LRMDA: variants seen among roughly 807,000 people sequenced by gnomAD.
The protein encoded by LRMDA is leucine-rich melanocyte differentiation-associated protein.
LRMDA carries 18 observed loss-of-function variants against 29.8 expected under a neutral mutation model. The ratio of observed to expected loss-of-function variants is 0.60; its 90% CI spans 0.42 to 0.90. LRMDA has a LOEUF of 0.90. Ranked by LOEUF, LRMDA falls within the 40% of genes least tolerant of loss-of-function variation. The pLI, the probability that LRMDA is intolerant of heterozygous loss-of-function variation, is 0.00. For synonymous variants in LRMDA, 125 were observed against 109.4 expected (o/e 1.14, Z -0.89); for missense variants, 273 against 273.9 (o/e 1.00, Z 0.02).
intron 3 of LRMDA, among the ~76,000 whole-genome samples, chr10:76,043,817 A>T (rs1240482029): frequency 6.6e-6 from 1 of 152,196 alleles, no homozygotes; most frequent in African/African-American, 2.4e-5. Context: ...TCCTCAACTT[A>T]AAAGCCTTGC....
intron 6 of LRMDA, among the ~76,000 whole-genome samples, chr10:76,492,888 C>G (rs1207128131): frequency 6.6e-6 from 1 of 151,996 alleles, no homozygotes; most frequent in Admixed American, 6.6e-5. Flanking sequence ...AATCATGATT[C>G]AAGGGTCCTG....
chr10:75,792,043 T>G (rs2132253069), intron 2 of LRMDA, among the ~76,000 whole-genome samples: 1 of 151,770 alleles, frequency 6.6e-6, no homozygotes, highest in East Asian at 2.0e-4. Flanking sequence ...GTATTTTTAG[T>G]AGAGATGGGG....
chr10:76,457,126 C>T (rs1842464780), intron 6 of LRMDA, among the ~76,000 whole-genome samples: 1 of 152,164 alleles, frequency 6.6e-6, no homozygotes, highest in African/African-American at 2.4e-5. Flanking sequence ...TACTACAGAT[C>T]AAGAAAGTAC....
Position 76,376,871 on chromosome 10 carries a change from T to G in LRMDA, c.601+52386T>G, listed in dbSNP as rs1841526946. Among the ~76,000 whole-genome samples, 9 of 68,382 alleles carry G rather than the reference T, an allele frequency of 1.3e-4. 1 individual carries two copies. The highest frequency in any genetic ancestry group is 4.0e-4 in the Admixed American group (3 of 7,538). 44.9% of individuals were successfully genotyped at this position (68,382 alleles called of 152,430 possible). A position where few individuals can be genotyped will look rare whatever the true frequency, so the allele number is the denominator to read the frequency against. On this transcript the variant is annotated intron_variant, in intron 6 of 6. Coordinates refer to ENST00000611255, the MANE Select transcript of LRMDA (RefSeq NM_001305581.2). Reference sequence around the variant, plus strand: ...TTGTTGGGCACTTGGAAGTCTTTTTTTTTTTTTTTTTTTTTTTTTTTTTTT... The same window carrying G: ...TTGTTGGGCACTTGGAAGTCTTTTTGTTTTTTTTTTTTTTTTTTTTTTTTT...
At chr10:76,495,539 G>A (rs960157356) in intron 6 of LRMDA, among the ~76,000 whole-genome samples, 1 of 151,636 alleles carries the variant, frequency 6.6e-6, no homozygotes, top group Non-Finnish European at 1.5e-5. Context: ...CAATTTGATA[G>A]GCATTGCATT....
chr10:75,496,343 A>G (rs1315708801), intron 2 of LRMDA, among the ~76,000 whole-genome samples: 1 of 152,206 alleles, frequency 6.6e-6, no homozygotes, highest in Non-Finnish European at 1.5e-5. Flanking sequence ...AGCTAGTGAG[A>G]TATAATTCAA....
intron 6 of LRMDA, among the ~76,000 whole-genome samples, chr10:76,424,470 C>A (rs1842103469): frequency 6.6e-6 from 1 of 152,088 alleles, no homozygotes; most frequent in Admixed American, 6.5e-5. Flanking sequence ...ACCTGGGAGG[C>A]TGAGCTTGCA....
At chr10:75,617,571 T>G (rs1035292835) in intron 2 of LRMDA, among the ~76,000 whole-genome samples, 1 of 152,204 alleles carries the variant, frequency 6.6e-6, no homozygotes, top group African/African-American at 2.4e-5. Context: ...AGTAATCTTT[T>G]TAGTTTGGCA....
chr10:76,057,552 G>A (rs1306520652), intron 4 of LRMDA, among the ~76,000 whole-genome samples: 2 of 152,176 alleles, frequency 1.3e-5, no homozygotes, highest in South Asian at 2.1e-4. Flanking sequence ...AGACTGTAAG[G>A]TGCTGATGGC....
intron 2 of LRMDA, among the ~76,000 whole-genome samples, chr10:75,797,362 T>C (rs1357677915): frequency 6.6e-6 from 1 of 152,190 alleles, no homozygotes; most frequent in Non-Finnish European, 1.5e-5. Flanking sequence ...CTAATCTTGC[T>C]AGGGGGTTGA....
At chr10:76,139,556 G>A (rs1033852287) in intron 5 of LRMDA, among the ~76,000 whole-genome samples, 5 of 152,110 alleles carry the variant, frequency 3.3e-5, no homozygotes, top group Admixed American at 2.6e-4. Flanking sequence ...AAGGCAATAT[G>A]TTGCCATCTA....
intron 2 of LRMDA, among the ~76,000 whole-genome samples, chr10:75,655,031 C>T (rs1378696334): frequency 3.9e-5 from 6 of 152,136 alleles, no homozygotes; most frequent in East Asian, 1.9e-4. Flanking sequence ...ACGGAGGCAG[C>T]GAGGAGAATT....
At chr10:76,245,369 A>G (rs768850701) in intron 5 of LRMDA, among the ~76,000 whole-genome samples, 1 of 152,108 alleles carries the variant, frequency 6.6e-6, no homozygotes, top group Non-Finnish European at 1.5e-5. Flanking sequence ...GCCTGGGGAC[A>G]TGGCCCTGTT....
chr10:75,686,749 T>G, intron 2 of LRMDA, among the ~76,000 whole-genome samples: 1 of 152,246 alleles, frequency 6.6e-6, no homozygotes, highest in South Asian at 2.1e-4. Context: ...TTTGTTTTAT[T>G]GCACTTTGCA....
At chr10:75,807,692 G>A (rs1040441247) in intron 2 of LRMDA, among the ~76,000 whole-genome samples, 4 of 152,162 alleles carry the variant, frequency 2.6e-5, no homozygotes, top group Non-Finnish European at 5.9e-5. Flanking sequence ...ATTCATATAA[G>A]AGGCTGTGGG....
At chr10:75,842,483 C>G (rs1844558491) in intron 2 of LRMDA, among the ~76,000 whole-genome samples, 1 of 152,090 alleles carries the variant, frequency 6.6e-6, no homozygotes, top group African/African-American at 2.4e-5. Context: ...CACAGTCTCA[C>G]TAGATGAGTG....
intron 2 of LRMDA, among the ~76,000 whole-genome samples, chr10:75,475,428 C>CTCCAATT (rs1564780773): frequency 6.6e-6 from 1 of 152,126 alleles, no homozygotes; most frequent in East Asian, 1.9e-4. Context: ...CTCCTCCCTG[C>CTCCAATT]TCCAATTTTC....
intron 6 of LRMDA, among the ~76,000 whole-genome samples, chr10:76,541,455 C>T (rs1035127269): frequency 2.0e-5 from 3 of 152,124 alleles, no homozygotes; most frequent in Non-Finnish European, 4.4e-5. Flanking sequence ...GAGCCCAGAT[C>T]GCCCCACCGC....
chr10:75,774,865 G>C (rs1843289951), intron 2 of LRMDA, among the ~76,000 whole-genome samples: 1 of 152,178 alleles, frequency 6.6e-6, no homozygotes, highest in Non-Finnish European at 1.5e-5. Context: ...ACTTAAGCAG[G>C]GATGAAAGCT....
Sources: gnomAD v4.1 joint callset for allele counts (sites outside exome capture counted in the v4.1 genomes callset) on GRCh38, gnomAD v4.1.1 for gene constraint, MANE v1.5 for transcripts, NCBI Gene and HGNC (gene_info 2026-07-23, HGNC 2026-07-21) for gene names.